NRG3: variants seen among roughly 807,000 people sequenced by gnomAD.
NRG3 encodes pro-neuregulin-3, membrane-bound isoform.
Under a neutral mutation model 66.9 loss-of-function variants are expected in NRG3, and 31 were observed. The observed-to-expected ratio is 0.46, with a 90% confidence interval of 0.35 to 0.63. The LOEUF (loss-of-function observed/expected upper bound fraction) is 0.63, where lower values mean the gene tolerates loss of function less well. Among genes scored for constraint, NRG3 ranks in the 20% least tolerant of loss-of-function variants. The pLI, the probability that NRG3 is intolerant of heterozygous loss-of-function variation, is 0.00. For synonymous variants in NRG3, 393 were observed against 359.4 expected (o/e 1.09, Z -1.06); for missense variants, 910 against 878.9 (o/e 1.04, Z -0.45).
At chr10:81,908,819 A>G (rs958174460) in intron 1 of NRG3, among the ~76,000 whole-genome samples, 1 of 152,126 alleles carries the variant, frequency 6.6e-6, no homozygotes, top group African/African-American at 2.4e-5. Context: ...ACTAAGTCCT[A>G]GTGTTCACCT....
intron 3 of NRG3, among the ~76,000 whole-genome samples, chr10:82,814,442 A>G (rs2061620965): frequency 6.6e-6 from 1 of 152,226 alleles, no homozygotes; most frequent in Admixed American, 6.5e-5. Flanking sequence ...TCTAAAACCC[A>G]GAGGCCGCAT....
chr10:82,376,474 A>G (rs2085246256), intron 2 of NRG3, among the ~76,000 whole-genome samples: 1 of 152,124 alleles, frequency 6.6e-6, no homozygotes, highest in Non-Finnish European at 1.5e-5. Context: ...CAAAATAGGT[A>G]TTTCACCCTC....
chr10:82,598,658 G>A (rs1385183132), intron 2 of NRG3, among the ~76,000 whole-genome samples: 1 of 152,200 alleles, frequency 6.6e-6, no homozygotes, highest in East Asian at 1.9e-4. Flanking sequence ...AAAAAGATAA[G>A]AACAGGTAAG....
intron 1 of NRG3, among the ~76,000 whole-genome samples, chr10:82,279,716 A>G (rs996006035): frequency 3.2e-4 from 48 of 152,198 alleles, no homozygotes; most frequent in African/African-American, 8.4e-4. Flanking sequence ...TCAAACAAAT[A>G]TGTGAGGCTG....
intron 1 of NRG3, among the ~76,000 whole-genome samples, chr10:82,343,000 T>C (rs547015169): frequency 6.6e-6 from 1 of 152,232 alleles, no homozygotes; most frequent in Non-Finnish European, 1.5e-5. Context: ...ATCCAATTTT[T>C]CCAGAACCAT....
At chr10:82,421,883 G>A (rs2089105738) in intron 2 of NRG3, among the ~76,000 whole-genome samples, 1 of 152,008 alleles carries the variant, frequency 6.6e-6, no homozygotes. Context: ...ATACTGCCTT[G>A]AAAACAGTCC....
At chr10:81,944,490 A>G (rs1471883374) in intron 1 of NRG3, among the ~76,000 whole-genome samples, 3 of 152,216 alleles carry the variant, frequency 2.0e-5, no homozygotes, top group Non-Finnish European at 4.4e-5. Context: ...TTAAAAACTG[A>G]AAAATTTTAG....
chr10:82,233,329 C>A (rs1326706902), intron 1 of NRG3, among the ~76,000 whole-genome samples: 1 of 152,162 alleles, frequency 6.6e-6, no homozygotes, highest in Non-Finnish European at 1.5e-5. Context: ...GGCGCCACTG[C>A]ACTCCAGCCT....
chr10:82,240,683 T>G (rs190790259), intron 1 of NRG3, among the ~76,000 whole-genome samples: 1 of 152,304 alleles, frequency 6.6e-6, no homozygotes, highest in Non-Finnish European at 1.5e-5. Flanking sequence ...GCTATTTACT[T>G]TGTCTGAAAG....
chr10:82,265,099 G>A (rs1290057789), intron 1 of NRG3, among the ~76,000 whole-genome samples: 1 of 152,136 alleles, frequency 6.6e-6, no homozygotes, highest in African/African-American at 2.4e-5. Flanking sequence ...AATAAAAGGT[G>A]TGAGAAAGTC....
At chr10:82,151,420 C>T (rs2070739692) in intron 1 of NRG3, among the ~76,000 whole-genome samples, 2 of 152,162 alleles carry the variant, frequency 1.3e-5, no homozygotes, top group Admixed American at 6.5e-5. Context: ...CCTAGCAGAG[C>T]ACACGAGGAT....
intron 1 of NRG3, among the ~76,000 whole-genome samples, chr10:81,912,628 A>G (rs966458430): frequency 6.6e-6 from 1 of 152,192 alleles, no homozygotes; most frequent in Non-Finnish European, 1.5e-5. Flanking sequence ...ATCCCAGAAT[A>G]AGTGACCAGA....
chr10:82,541,954 A>T (rs988320806), intron 2 of NRG3, among the ~76,000 whole-genome samples: 1 of 152,190 alleles, frequency 6.6e-6, no homozygotes, highest in African/African-American at 2.4e-5. Context: ...TGTGCTGAGC[A>T]TGCAGGTTTG....
intron 4 of NRG3, among the ~76,000 whole-genome samples, chr10:82,877,033 A>G (rs1299378371): frequency 6.6e-6 from 1 of 152,036 alleles, no homozygotes; most frequent in Admixed American, 6.5e-5. Context: ...AGAAAAAAAA[A>G]AAAAAAGAAA....
chr10:82,061,558 T>A (rs2064143323), intron 1 of NRG3, among the ~76,000 whole-genome samples: 1 of 152,152 alleles, frequency 6.6e-6, no homozygotes, highest in Admixed American at 6.5e-5. Context: ...GCTGTGGTCA[T>A]TGCTGCCCTT....
chr10:82,000,755 T>C (rs969588779), intron 1 of NRG3, among the ~76,000 whole-genome samples: 9 of 152,078 alleles, frequency 5.9e-5, no homozygotes, highest in African/African-American at 2.2e-4. Context: ...AACAGTTGAG[T>C]AGGAAATTTA....
chr10:82,275,122 C>T (rs1329668806), intron 1 of NRG3, among the ~76,000 whole-genome samples: 2 of 151,944 alleles, frequency 1.3e-5, no homozygotes, highest in Non-Finnish European at 2.9e-5. Flanking sequence ...GCTTTGAATC[C>T]AATAACCTAA....
intron 1 of NRG3, among the ~76,000 whole-genome samples, chr10:82,355,682 A>G (rs1328858613): frequency 3.3e-5 from 5 of 152,162 alleles, no homozygotes; most frequent in Non-Finnish European, 7.3e-5. Flanking sequence ...ATTTGCCTAT[A>G]TTTCCATACA....
chr10:82,305,952 C>G (rs2080699649), intron 1 of NRG3, among the ~76,000 whole-genome samples: 1 of 152,178 alleles, frequency 6.6e-6, no homozygotes, highest in African/African-American at 2.4e-5. Context: ...CAAGGTTTGA[C>G]ATTAACCATG....
Sources: gnomAD v4.1 joint callset for allele counts (sites outside exome capture counted in the v4.1 genomes callset) on GRCh38, gnomAD v4.1.1 for gene constraint, MANE v1.5 for transcripts, NCBI Gene and HGNC (gene_info 2026-07-23, HGNC 2026-07-21) for gene names.